Variants in NME7 observed in about 807,000 individuals in gnomAD.
The protein encoded by NME7 is NME/NM23 family member 7.
NME7 carries 41 observed loss-of-function variants against 49.1 expected under a neutral mutation model. That is an observed-to-expected ratio of 0.83 (90% confidence interval 0.65 to 1.08). NME7 has a LOEUF of 1.08. Among genes scored for constraint, NME7 ranks in the 50% least tolerant of loss-of-function variants. NME7 has a pLI of 0.00. For synonymous variants in NME7, 139 were observed against 150.6 expected (o/e 0.92, Z 0.56); for missense variants, 423 against 463.4 (o/e 0.91, Z 0.80).
intron 7 of NME7, among the ~76,000 whole-genome samples, chr1:169,238,521 T>C (rs1647958102): frequency 7.4e-6 from 1 of 134,644 alleles, no homozygotes; most frequent in Non-Finnish European, 1.6e-5. Context: ...ACACACCATA[T>C]TCTGGATCAT....
intron 7 of NME7, among the ~76,000 whole-genome samples, chr1:169,278,242 C>T (rs12097793): frequency 2.8e-5 from 4 of 145,064 alleles, no homozygotes; most frequent in East Asian, 2.0e-4. Flanking sequence ...CTGCCTTGCT[C>T]GTTTGGGGAA....
chr1:169,226,397 C>A (rs569814352), intron 10 of NME7, among the ~76,000 whole-genome samples: 1 of 151,800 alleles, frequency 6.6e-6, no homozygotes, highest in African/African-American at 2.4e-5. Flanking sequence ...CATTTGTTGG[C>A]GAGGTGGAGA....
At chr1:169,151,236 C>T (rs1428482585) in intron 11 of NME7, among the ~76,000 whole-genome samples, 3 of 152,132 alleles carry the variant, frequency 2.0e-5, no homozygotes, top group Non-Finnish European at 4.4e-5. Flanking sequence ...GCTGTAGATC[C>T]TGGGCCAGCC....
At chr1:169,143,785 G>A (rs1445936728) in intron 11 of NME7, among the ~76,000 whole-genome samples, 7 of 152,150 alleles carry the variant, frequency 4.6e-5, no homozygotes, top group South Asian at 2.1e-4. Flanking sequence ...CACATTTCTT[G>A]TAATATGAAA....
intron 10 of NME7, among the ~76,000 whole-genome samples, chr1:169,208,993 A>G (rs541478618): frequency 6.6e-6 from 1 of 152,216 alleles, no homozygotes; most frequent in Non-Finnish European, 1.5e-5. Context: ...CCACACATGA[A>G]TCTCCACAGC....
intron 7 of NME7, among the ~76,000 whole-genome samples, chr1:169,282,609 G>A (rs1303660055): frequency 1.3e-5 from 2 of 151,964 alleles, no homozygotes; most frequent in Admixed American, 6.6e-5. Flanking sequence ...TCCATCTAAA[G>A]ACTACTTTAA....
rs201878585 is a variant in NME7, at chr1:169,323,125, C to G, written c.270G>C (p.Arg90Ser). 12 of 1,552,400 alleles carry G rather than the reference C, an allele frequency of 7.7e-6. No individual in the cohort carries two copies. The highest frequency in any genetic ancestry group is 1.7e-4 in the Middle Eastern group (1 of 5,858). The stretch of plus-strand genomic sequence containing the variant: ...TATAATTGTTTTCTTACTTTTCTTT[C>G]CTACTGCCCAGCTGGCGAGCTGTAT... ...DQYTARQLGS[R>S]KEKTLALIKP... The change falls in exon 3 of 12, where the codon AGG becomes AGC. Residue 90 changes from arginine (R) to serine (S), a missense_variant. Coordinates refer to ENST00000367811, the MANE Select transcript of NME7 (RefSeq NM_013330.5).
At chr1:169,186,019 A>C (rs1660055441) in intron 10 of NME7, among the ~76,000 whole-genome samples, 1 of 152,148 alleles carries the variant, frequency 6.6e-6, no homozygotes, top group Admixed American at 6.5e-5. Context: ...ACTATACACC[A>C]GTATTTATAA....
chr1:169,355,148 T>TAA (rs1653378727), intron 1 of NME7, among the ~76,000 whole-genome samples: 1 of 38,470 alleles, frequency 2.6e-5, no homozygotes, highest in Non-Finnish European at 4.6e-5. Flanking sequence ...ATATATAATA[T>TAA]ACTATATATT....
At chr1:169,333,374 A>C (rs1652332166) in intron 1 of NME7, among the ~76,000 whole-genome samples, 2 of 152,142 alleles carry the variant, frequency 1.3e-5, no homozygotes, top group African/African-American at 4.8e-5. Flanking sequence ...AATAAAATTA[A>C]AAAGAATGAC....
Position 169,298,570 on chromosome 1 carries a change from C to CA in NME7, c.633dup (p.Ala212CysfsTer24), listed in dbSNP as rs1650802140. On this transcript the variant is annotated frameshift_variant, in exon 6 of 12. Coordinates refer to ENST00000367811, the MANE Select transcript of NME7 (RefSeq NM_013330.5). LOFTEE classifies it high-confidence loss of function. ...AAACACCTTACTCTGGCCGCAGAAG[C>CA]AAAAGAATCAGGGCCATGCGCTGCA... 2.5e-6 allele frequency: 4 copies of CA among 1,613,562 alleles called. No homozygotes were observed. The highest frequency in any genetic ancestry group is 3.4e-6 in the Non-Finnish European group (4 of 1,179,810).
chr1:169,203,593 C>T (rs1458186059), intron 10 of NME7, among the ~76,000 whole-genome samples: 2 of 152,130 alleles, frequency 1.3e-5, no homozygotes, highest in African/African-American at 4.8e-5. Context: ...TAAAAGCCCT[C>T]TGTGCTCAGT....
At chr1:169,298,439 A>G in intron 6 of NME7, 117 bp downstream of exon 6, 2 of 986,612 alleles carry the variant, frequency 2.0e-6, no homozygotes, top group Non-Finnish European at 3.0e-6. Flanking sequence ...GGTTTTCTCT[A>G]CTACTAGAGC....
chr1:169,245,734 T>C (rs1648286169), intron 7 of NME7, among the ~76,000 whole-genome samples: 1 of 152,172 alleles, frequency 6.6e-6, no homozygotes, highest in Non-Finnish European at 1.5e-5. Context: ...TAGACGTGTA[T>C]CTTTAAAACA....
At position 169,287,345 on chromosome 1, in the gene NME7, T is replaced by G; in HGVS notation, c.712A>C (p.Asn238His). Residue 238 changes from asparagine (N) to histidine (H), a missense_variant, in exon 7 of 12, where the codon AAT (asparagine) becomes CAT (histidine). Coordinates refer to ENST00000367811, the MANE Select transcript of NME7 (RefSeq NM_013330.5). ...GGTTTAACAATGCAACAGGTACAAT[T>G]AGTAAATTTAGCAGTGTTTGCCGGC... The part of the protein sequence containing the change: ...CGPANTAKFT[N>H]CTCCIVKPHA... The G allele has an allele frequency of 6.2e-7, 1 of 1,611,652 alleles. No individual in the cohort carries two copies. The highest frequency in any genetic ancestry group is 8.5e-7 in the Non-Finnish European group (1 of 1,178,942).
At chr1:169,355,134 TATAATATATAATATA>T (rs1653375137) in intron 1 of NME7, among the ~76,000 whole-genome samples, 2 of 37,100 alleles carry the variant, frequency 5.4e-5, no homozygotes, top group African/African-American at 2.0e-4. Flanking sequence ...ATATTATAGA[TATAATATATAATATA>T]CTATATATTA....
intron 10 of NME7, 121 bp from the exon 11 acceptor site, chr1:169,169,675 T>C (rs1659520724): frequency 1.2e-6 from 1 of 822,122 alleles, no homozygotes; most frequent in Non-Finnish European, 1.9e-6. Flanking sequence ...ACAGTGCTTA[T>C]AAGGGTTTTT....
At chr1:169,287,501 T>C (rs1650323932) in intron 6 of NME7, 93 bp from the exon 7 acceptor site, 1 of 906,480 alleles carries the variant, frequency 1.1e-6, no homozygotes, top group Non-Finnish European at 1.6e-6. Flanking sequence ...TGCAATTACT[T>C]TTAGAGTTTC....
intron 1 of NME7, among the ~76,000 whole-genome samples, chr1:169,337,833 G>C (rs1016855149): frequency 6.6e-6 from 1 of 152,166 alleles, no homozygotes; most frequent in Non-Finnish European, 1.5e-5. Flanking sequence ...TTATCAAATA[G>C]TCTTCCTCCA....
Sources: gnomAD v4.1 joint callset for allele counts (sites outside exome capture counted in the v4.1 genomes callset) on GRCh38, gnomAD v4.1.1 for gene constraint, MANE v1.5 for transcripts, NCBI Gene and HGNC (gene_info 2026-07-23, HGNC 2026-07-21) for gene names.